The following BCL7C variants were observed in gnomAD, a reference collection of about 807,000 sequenced individuals.
The protein encoded by BCL7C is B-cell CLL/lymphoma 7 protein family member C.
Under a neutral mutation model 26.2 loss-of-function variants are expected in BCL7C, and 8 were observed. That is an observed-to-expected ratio of 0.30 (90% CI 0.18 to 0.55). The LOEUF (loss-of-function observed/expected upper bound fraction) is 0.55, where lower values mean the gene tolerates loss of function less well. BCL7C is among the 20% of genes least tolerant of loss of function. The pLI is 0.93. For missense variants in BCL7C, 262 were observed against 298.5 expected (o/e 0.88, Z 0.90); for synonymous variants, 90 against 116.5 (o/e 0.77, Z 1.47).
chr16:30,860,065 TTCAATCTCCCTCTCTCGCTACC>T (rs2054756944), intron 5 of BCL7C, among the ~76,000 whole-genome samples: 1 of 12,484 alleles, frequency 8.0e-5, no homozygotes, highest in Non-Finnish European at 1.9e-4. Flanking sequence ...CTTGCTACCC[TTCAATCTCCCTCTCTCGCTACC>T]CTTCAATCTC....
chr16:30,857,873 A>T (rs1382262629), intron 5 of BCL7C, among the ~76,000 whole-genome samples: 1 of 151,290 alleles, frequency 6.6e-6, no homozygotes, highest in African/African-American at 2.4e-5. Context: ...CGGGAGGCTG[A>T]GGCAGGAGAA....
At chr16:30,854,720 T>TC (rs993820017) in intron 5 of BCL7C, among the ~76,000 whole-genome samples, 2 of 151,672 alleles carry the variant, frequency 1.3e-5, no homozygotes, top group African/African-American at 4.9e-5. Context: ...TTTTTTTTTT[T>TC]TTCTGAGAAA....
chr16:30,846,993 A>T (rs2054640855), intron 5 of BCL7C, among the ~76,000 whole-genome samples: 1 of 152,254 alleles, frequency 6.6e-6, no homozygotes, highest in Admixed American at 6.5e-5. Flanking sequence ...TGTGCGATGG[A>T]TTCTTTTCAG....
At chr16:30,861,857 C>CTTTTTTTTTTTT (rs35135586) in intron 5 of BCL7C, among the ~76,000 whole-genome samples, 1 of 68,826 alleles carries the variant, frequency 1.5e-5, no homozygotes, top group Non-Finnish European at 2.6e-5. Context: ...GGACAACATG[C>CTTTTTTTTTTTT]TTTTTTTTTT....
intron 4 of BCL7C, among the ~76,000 whole-genome samples, chr16:30,889,753 T>G (rs1411602709): frequency 6.6e-6 from 1 of 151,746 alleles, no homozygotes; most frequent in Non-Finnish European, 1.5e-5. Flanking sequence ...CTGGGCAACA[T>G]AGTAAGACCC....
At chr16:30,868,144 T>TG (rs2054845155) in intron 5 of BCL7C, among the ~76,000 whole-genome samples, 1 of 150,444 alleles carries the variant, frequency 6.6e-6, no homozygotes, top group East Asian at 2.0e-4. Context: ...TTTTTTTTTT[T>TG]TGAGACAGAG....
In BCL7C at chr16:30,887,975, G is replaced by A. The variant is rs1394059877; in HGVS notation, c.544C>T (p.Pro182Ser). ...LLEAEAPEAY[P>S]VFEPVPPVPE... ...ACAGGTGGCACTGGCTCAAAGACAG[G>A]GTAAGCTTCGGGGGCCTGGAGAGGA... Residue 182 changes from proline to serine, a missense_variant, in exon 6 of 6, where the codon CCT becomes TCT. By Grantham distance (74) the Pro-to-Ser change is moderately conservative. Transcript: ENST00000215115. 8 of 1,606,322 alleles carry A rather than the reference G, an allele frequency of 5.0e-6. No individual in the cohort carries two copies. The Admixed American group carries it at 8.5e-5, about 17-fold the overall frequency.
intron 5 of BCL7C, among the ~76,000 whole-genome samples, chr16:30,844,055 A>G (rs1274554025): frequency 1.3e-5 from 2 of 149,360 alleles, no homozygotes; most frequent in East Asian, 3.9e-4. Context: ...AAAAAAAAAA[A>G]AAAAAAAAAA....
At chr16:30,881,425 C>A (rs867517065) in intron 5 of BCL7C, among the ~76,000 whole-genome samples, 8 of 142,924 alleles carry the variant, frequency 5.6e-5, no homozygotes, top group African/African-American at 2.0e-4. Context: ...CACACACACA[C>A]AACAAAAAAT....
intron 5 of BCL7C, chr16:30,851,216 G>T: frequency 3.4e-6 from 1 of 295,346 alleles, no homozygotes; most frequent in Non-Finnish European, 6.7e-6. Flanking sequence ...GGTGGATGAG[G>T]CAAAATTTCA....
intron 4 of BCL7C, among the ~76,000 whole-genome samples, chr16:30,891,937 G>A (rs7206294): frequency 6.8e-6 from 1 of 147,536 alleles, no homozygotes; most frequent in African/African-American, 2.5e-5. Context: ...GTACTCCAGC[G>A]TGGGTGACAG....
At chr16:30,891,913 A>G (rs1403005994) in intron 4 of BCL7C, among the ~76,000 whole-genome samples, 1 of 143,512 alleles carries the variant, frequency 7.0e-6, no homozygotes, top group Non-Finnish European at 1.5e-5. Flanking sequence ...GCAGTGAGCT[A>G]TGATTGCACC....
At chr16:30,872,657 C>G (rs934485925) in intron 5 of BCL7C, among the ~76,000 whole-genome samples, 1 of 152,082 alleles carries the variant, frequency 6.6e-6, no homozygotes, top group Admixed American at 6.6e-5. Flanking sequence ...GCCTGGTGCC[C>G]GCATGTTTTG....
intron 4 of BCL7C, among the ~76,000 whole-genome samples, chr16:30,890,625 G>A (rs55719146): frequency 0.23 from 35,224 of 151,858 alleles, 4,869 homozygotes; most frequent in South Asian, 0.68. Context: ...CGAGGCGGGC[G>A]GATCACCTGA....
chr16:30,886,997 A>AC (rs1459297593), downstream of BCL7C, among the ~76,000 whole-genome samples: 1 of 151,954 alleles, frequency 6.6e-6, no homozygotes, highest in Admixed American at 6.6e-5. Flanking sequence ...ATGTAGCGAG[A>AC]CCCCATGTCT....
intron 5 of BCL7C, chr16:30,840,594 C>T (rs1463261451): frequency 3.3e-5 from 5 of 152,118 alleles, no homozygotes; most frequent in East Asian, 1.9e-4. Flanking sequence ...TAAACATGGT[C>T]CAGAACTGAC....
In BCL7C at chr16:30,888,880, G is replaced by A; in HGVS notation, c.508C>T (p.Pro170Ser). The A allele has an allele frequency of 6.2e-7, 1 of 1,614,010 alleles. No homozygotes were observed. The highest frequency in any genetic ancestry group is 1.3e-5 in the African/African-American group (1 of 75,020). Residue 170 changes from proline to serine, a missense_variant, in exon 5 of 6, where the codon CCA (proline) becomes TCA (serine). Physicochemically the swap from Pro to Ser is moderately conservative, Grantham distance 74 (BLOSUM62 -1). Coordinates refer to ENST00000215115, the MANE Select transcript of BCL7C (RefSeq NM_004765.4). ...PPMLTKEEPVPELLEAEAPEA... is the reference protein window; with the variant it reads ...PPMLTKEEPVSELLEAEAPEA... ...CTCACCTCAGCTTCCAGCAGTTCTG[G>A]AACAGGCTCCTCCTTGGTCAGCATT...
intron 5 of BCL7C, among the ~76,000 whole-genome samples, chr16:30,876,819 G>A (rs966315076): frequency 1.3e-5 from 2 of 152,182 alleles, no homozygotes; most frequent in African/African-American, 4.8e-5. Flanking sequence ...AAAGCTTGGG[G>A]AAAGGGGCAG....
chr16:30,886,629 C>T (rs2055136295), downstream of BCL7C, among the ~76,000 whole-genome samples: 1 of 152,142 alleles, frequency 6.6e-6, no homozygotes. Context: ...GATCCCAGAA[C>T]AGCCTGATAA....
Sources: gnomAD v4.1 joint callset for allele counts (sites outside exome capture counted in the v4.1 genomes callset) on GRCh38, gnomAD v4.1.1 for gene constraint, MANE v1.5 for transcripts, NCBI Gene and HGNC (gene_info 2026-07-23, HGNC 2026-07-21) for gene names.